UBE2E2: variants seen among roughly 807,000 people sequenced by gnomAD.
UBE2E2 encodes ubiquitin-conjugating enzyme E2 E2.
In UBE2E2, 6 loss-of-function variants were observed where a neutral mutation model predicts 24.7. The observed-to-expected ratio is 0.24, with a 90% CI of 0.13 to 0.48. The LOEUF is 0.48. Ranked by LOEUF, UBE2E2 falls within the 20% of genes least tolerant of loss-of-function variation. UBE2E2 has a pLI of 0.99. For synonymous variants in UBE2E2, 104 were observed against 83.6 expected (o/e 1.24, Z -1.33); for missense variants, 169 against 245.0 (o/e 0.69, Z 2.07).
chr3:23,304,171 A>T (rs1257279877), intron 3 of UBE2E2, among the ~76,000 whole-genome samples: 1 of 152,218 alleles, frequency 6.6e-6, no homozygotes, highest in African/African-American at 2.4e-5. Context: ...TTAGCAGGCC[A>T]CTTTTGACCG....
intron 4 of UBE2E2, among the ~76,000 whole-genome samples, chr3:23,522,297 A>G (rs1247875189): frequency 6.6e-6 from 1 of 151,848 alleles, no homozygotes; most frequent in African/African-American, 2.4e-5. Flanking sequence ...CGCCCGGCTA[A>G]TTTTGTGCAT....
chr3:23,267,605 C>T (rs2125359416), intron 3 of UBE2E2, among the ~76,000 whole-genome samples: 1 of 152,052 alleles, frequency 6.6e-6, no homozygotes, highest in South Asian at 2.1e-4. Flanking sequence ...GATGGATTCA[C>T]AGCCGAATTC....
chr3:23,455,671 A>G (rs1698662207), intron 3 of UBE2E2, among the ~76,000 whole-genome samples: 1 of 152,182 alleles, frequency 6.6e-6, no homozygotes, highest in Non-Finnish European at 1.5e-5. Flanking sequence ...AGTGTAAGCA[A>G]CAGAGCGAGA....
At position 23,444,747 on chromosome 3, in the gene UBE2E2, G is replaced by A. The variant is rs536916351; in HGVS notation, c.228-54861G>A. ...ACCTATTGGGCCAGCTGTTATTTGT[G>A]AATGGAGTGTACGGTAAAGCAAATG... On this transcript the variant is annotated intron_variant, in intron 3 of 5. Coordinates refer to ENST00000396703, the MANE Select transcript of UBE2E2 (RefSeq NM_152653.4). Among the ~76,000 whole-genome samples the A allele has an allele frequency of 1.5e-3, 230 of 152,314 alleles. 2 individuals are homozygous for A. Among genetic ancestry groups the A allele is most frequent in the Non-Finnish European group, 1.5e-3 (104 of 68,032 alleles).
At chr3:23,396,008 T>G (rs1697063520) in intron 3 of UBE2E2, among the ~76,000 whole-genome samples, 1 of 152,110 alleles carries the variant, frequency 6.6e-6, no homozygotes, top group Non-Finnish European at 1.5e-5. Flanking sequence ...CTTACATTGT[T>G]ACTTTAACAA....
chr3:23,376,584 A>G (rs1575593608), intron 3 of UBE2E2, among the ~76,000 whole-genome samples: 1 of 152,340 alleles, frequency 6.6e-6, no homozygotes, highest in East Asian at 1.9e-4. Flanking sequence ...CCTTTGTACC[A>G]TAGAGGTCAA....
intron 3 of UBE2E2, among the ~76,000 whole-genome samples, chr3:23,464,957 C>T (rs1232921636): frequency 2.6e-5 from 4 of 152,156 alleles, no homozygotes; most frequent in East Asian, 1.9e-4. Context: ...TGTGTATCTT[C>T]GAAGAGTATT....
At chr3:23,356,626 CT>C (rs1695961459) in intron 3 of UBE2E2, among the ~76,000 whole-genome samples, 1 of 152,200 alleles carries the variant, frequency 6.6e-6, no homozygotes, top group African/African-American at 2.4e-5. Flanking sequence ...AAAAAGTTTG[CT>C]CCTCATCAGT....
intron 5 of UBE2E2, among the ~76,000 whole-genome samples, chr3:23,542,819 GGTTATAATCTTGGT>G (rs1695422783): frequency 6.6e-6 from 1 of 152,136 alleles, no homozygotes; most frequent in South Asian, 2.1e-4. Flanking sequence ...AAGTTTGTCT[GGTTATAATCTTGGT>G]GTAAATTTAG....
At position 23,499,753 on chromosome 3, in the gene UBE2E2, T is replaced by C. The variant is rs780539101; in HGVS notation, c.360+13T>C. 5 of 1,606,968 alleles carry C rather than the reference T, an allele frequency of 3.1e-6. No homozygotes were observed. The highest frequency in any genetic ancestry group is 2.2e-5 in the East Asian group (1 of 44,834). ...TAAACCCCCTAAGGTCAGTATGAAGTTTTCATTGATTTTTAGCAATATGGA... is the reference window on the plus strand; with the variant it reads ...TAAACCCCCTAAGGTCAGTATGAAGCTTTCATTGATTTTTAGCAATATGGA... On this transcript the variant is annotated intron_variant, in intron 4 of 5. Coordinates refer to ENST00000396703, the MANE Select transcript of UBE2E2 (RefSeq NM_152653.4).
chr3:23,516,287 G>T (rs1694739694), intron 4 of UBE2E2, among the ~76,000 whole-genome samples: 1 of 152,160 alleles, frequency 6.6e-6, no homozygotes, highest in Non-Finnish European at 1.5e-5. Flanking sequence ...AATATTCAAA[G>T]CACCTTCTTA....
chr3:23,321,262 T>C (rs1015786436), intron 3 of UBE2E2, among the ~76,000 whole-genome samples: 2 of 152,212 alleles, frequency 1.3e-5, no homozygotes, highest in African/African-American at 4.8e-5. Context: ...ACTTCAACTT[T>C]TTTGGGAGGG....
chr3:23,509,925 G>T (rs6807859), intron 4 of UBE2E2, among the ~76,000 whole-genome samples: 1 of 151,786 alleles, frequency 6.6e-6, no homozygotes, highest in Non-Finnish European at 1.5e-5. Context: ...TTTTATGGCC[G>T]CATAGTATTC....
chr3:23,311,874 A>T (rs1994953), intron 3 of UBE2E2, among the ~76,000 whole-genome samples: 1 of 152,102 alleles, frequency 6.6e-6, no homozygotes, highest in African/African-American at 2.4e-5. Context: ...TACAAACAAT[A>T]CAGTTATACT....
At chr3:23,434,381 A>C (rs779071754) in intron 3 of UBE2E2, among the ~76,000 whole-genome samples, 4 of 152,100 alleles carry the variant, frequency 2.6e-5, no homozygotes, top group Non-Finnish European at 5.9e-5. Flanking sequence ...TTCTGAAGAG[A>C]ATAAAGTTTG....
At chr3:23,278,489 A>C (rs1305841901) in intron 3 of UBE2E2, among the ~76,000 whole-genome samples, 2 of 152,166 alleles carry the variant, frequency 1.3e-5, no homozygotes, top group Non-Finnish European at 1.5e-5. Flanking sequence ...CTTGCATAAG[A>C]GTAAAAATAT....
intron 4 of UBE2E2, among the ~76,000 whole-genome samples, chr3:23,523,009 G>A (rs1694904085): frequency 6.6e-6 from 1 of 151,240 alleles, no homozygotes; most frequent in South Asian, 2.1e-4. Flanking sequence ...TAAAAAAACA[G>A]AACAAGTCAA....
intron 4 of UBE2E2, among the ~76,000 whole-genome samples, chr3:23,520,470 A>G (rs1203809920): frequency 6.6e-6 from 1 of 152,206 alleles, no homozygotes; most frequent in Admixed American, 6.5e-5. Flanking sequence ...ATTACCCTCA[A>G]GTATGCATAC....
intron 5 of UBE2E2, among the ~76,000 whole-genome samples, chr3:23,577,033 C>G (rs1313876918): frequency 6.6e-6 from 1 of 151,792 alleles, no homozygotes; most frequent in Non-Finnish European, 1.5e-5. Context: ...GTAATTCTCA[C>G]AATATTTCAA....
Sources: allele counts gnomAD v4.1 joint callset (sites outside exome capture counted in the v4.1 genomes callset), GRCh38; gene constraint gnomAD v4.1.1; transcripts MANE v1.5; gene names NCBI Gene and HGNC (gene_info 2026-07-23, HGNC 2026-07-21).